Variants in VPS35 observed in about 807,000 individuals in gnomAD.
The protein encoded by VPS35 is VPS35 retromer complex component, also known as vacuolar protein sorting-associated protein 35.
In VPS35, 21 loss-of-function variants were observed where a neutral mutation model predicts 98.1. The observed-to-expected ratio is 0.21, with a 90% CI of 0.15 to 0.31. The LOEUF (loss-of-function observed/expected upper bound fraction) is 0.31. Ranked by LOEUF, VPS35 falls within the 10% of genes least tolerant of loss-of-function variation. The pLI is 1.00. For missense variants in VPS35, 554 were observed against 950.8 expected, an observed-to-expected ratio of 0.58 and a Z score of 5.49; for synonymous variants, 268 against 318.2, an observed-to-expected ratio of 0.84 and a Z score of 1.68.
rs965319860 is a variant in VPS35, at chr16:46,689,113, T to C, written c.3+18A>G. The C allele has an allele frequency of 4.4e-6, 7 of 1,608,190 alleles. No homozygotes were observed. The highest frequency in any genetic ancestry group is 5.9e-6 in the Non-Finnish European group (7 of 1,178,118). On this transcript the variant is annotated intron_variant, in intron 1 of 16. Transcript: ENST00000299138. ...CAAGGAGGGTCGACCCAGGTGCCAC[T>C]GCCCCCTCAGCACTCACCATGGCGA... is the stretch of plus-strand genomic sequence containing the variant.
Position 46,667,446 on chromosome 16 carries a change from A to G in VPS35, c.1647+1484T>C, listed in dbSNP as rs112039978. ...CTGCTGATTGTTTCCTTTGTTGTACAGAAGGTTTTTAGTTTATTAAACTTA... is the reference window on the plus strand; with the variant it reads ...CTGCTGATTGTTTCCTTTGTTGTACGGAAGGTTTTTAGTTTATTAAACTTA... On this transcript the variant is annotated intron_variant, in intron 13 of 16. Coordinates refer to ENST00000299138, the MANE Select transcript of VPS35 (RefSeq NM_018206.6). Among the ~76,000 whole-genome samples, 421 of 152,244 alleles carry G rather than the reference A, an allele frequency of 2.8e-3. 2 individuals are homozygous for G. The highest frequency in any genetic ancestry group is 9.7e-3 in the African/African-American group (402 of 41,554).
chr16:46,665,097 A>T (rs192408581), intron 13 of VPS35, among the ~76,000 whole-genome samples: 3 of 152,360 alleles, frequency 2.0e-5, no homozygotes, highest in Middle Eastern at 6.8e-3. Context: ...TAGAAGTATT[A>T]TAGTAATTCA....
chr16:46,689,092 G>A (rs1442406962), intron 1 of VPS35, 39 bp downstream of exon 1: 1 of 1,603,760 alleles, frequency 6.2e-7, no homozygotes, highest in Non-Finnish European at 8.5e-7. Flanking sequence ...GGGCTACAAG[G>A]AGGGTCGACC....
Position 46,678,939 on chromosome 16 carries a change from A to T in VPS35, c.720+4T>A, listed in dbSNP as rs774219811. 4 of 1,613,894 alleles carry T rather than the reference A, an allele frequency of 2.5e-6. No homozygotes were observed. Among genetic ancestry groups the T allele is most frequent in the Non-Finnish European group, 3.4e-6 (4 of 1,179,910 alleles). On this transcript the variant is annotated splice_donor_region_variant and intron_variant, in intron 6 of 16. Transcript: ENST00000299138. ...ATAAGAAGAGGTAACAAAAATATAT[A>T]AACCTGTTTGTAACGTTCCACATTT...
Position 46,687,170 on chromosome 16 carries a change from G to A in VPS35, c.3+1961C>T, listed in dbSNP as rs1259184990. On this transcript the variant is annotated intron_variant, in intron 1 of 16. Transcript: ENST00000299138. ...TCAACCTCCCTGCTTATATGCTGTA[G>A]ATGTAATCTGACAGTACAATGTAAA... 2.6e-5 allele frequency among the ~76,000 whole-genome samples: 4 copies of A among 152,174 alleles called. No individual in the cohort carries two copies. In the East Asian group the frequency reaches 7.7e-4, roughly 29 times the overall value.
At position 46,661,985 on chromosome 16, in the gene VPS35, T is replaced by C; in HGVS notation, c.2068-124A>G. 1 of 1,407,400 alleles carries C rather than the reference T, an allele frequency of 7.1e-7. No individual in the cohort carries two copies. 87.2% of individuals were successfully genotyped at this position (1,407,400 alleles called of 1,614,324 possible). On this transcript the variant is annotated intron_variant, in intron 15 of 16. Transcript: ENST00000299138. This position sits in a 1 kb window ranked among gnomAD's most constrained non-coding sequence, Gnocchi z 4.3. Reference sequence around the variant, plus strand: ...GGGACATAACAAATTTAAATCCTTTTCATTCTCCTTCTTCTTGTTTTGAAG... The same window carrying C: ...GGGACATAACAAATTTAAATCCTTTCCATTCTCCTTCTTCTTGTTTTGAAG...
chr16:46,684,641 A>T (rs1463380155), intron 1 of VPS35, among the ~76,000 whole-genome samples: 1 of 152,150 alleles, frequency 6.6e-6, no homozygotes, highest in Non-Finnish European at 1.5e-5. Context: ...TTACATCTCC[A>T]CCACAGCATG....
Position 46,678,891 on chromosome 16 carries a change from C to CA in VPS35, c.720+51dup. On this transcript the variant is annotated intron_variant, in intron 6 of 16. Transcript: ENST00000299138. ...ACAAAAATATTCTGATTTTAAAAAT[C>CA]AGATTTCAGTTTATCTCTGAACATA... is the stretch of plus-strand genomic sequence containing the variant. 3 of 1,571,222 alleles carry CA rather than the reference C, an allele frequency of 1.9e-6. No homozygotes were observed. In the South Asian group the frequency reaches 3.4e-5, roughly 18 times the overall value.
In VPS35 at chr16:46,668,796, G is replaced by C. The variant is rs541950748; in HGVS notation, c.1647+134C>G. 2.4e-6 allele frequency: 3 copies of C among 1,257,866 alleles called. No homozygotes were observed. In the South Asian group the frequency reaches 4.1e-5, roughly 17 times the overall value. The allele number at this position is 1,257,866 out of a possible 1,614,324, so 77.9% of individuals were successfully genotyped here. A position where few individuals can be genotyped will look rare whatever the true frequency, so the allele number is the denominator to read the frequency against. Reference sequence around the variant, plus strand: ...AGGATAAGTAACAAATAGAGAGTTGGCGAAAATGGGATTTTATTATACCAC... The same window carrying C: ...AGGATAAGTAACAAATAGAGAGTTGCCGAAAATGGGATTTTATTATACCAC... On this transcript the variant is annotated intron_variant, in intron 13 of 16. Coordinates refer to ENST00000299138, the MANE Select transcript of VPS35 (RefSeq NM_018206.6).
In VPS35 at chr16:46,683,496, C is replaced by A. The variant is rs1228892606; in HGVS notation, c.102+12G>T. On this transcript the variant is annotated intron_variant, in intron 2 of 16. Coordinates refer to ENST00000299138, the MANE Select transcript of VPS35 (RefSeq NM_018206.6). ...CGAACTGCAACTGTGCCTCCCACAT[C>A]TCCATTCTTACCAGGCATCTCTTCA... 1 of 1,611,674 alleles carries A rather than the reference C, an allele frequency of 6.2e-7. No individual in the cohort carries two copies. The highest frequency in any genetic ancestry group is 8.5e-7 in the Non-Finnish European group (1 of 1,179,050).
intron 12 of VPS35, among the ~76,000 whole-genome samples, chr16:46,670,248 C>T (rs1001683990): frequency 6.6e-6 from 1 of 152,208 alleles, no homozygotes. Context: ...CATTAAAGAT[C>T]TCCATACATG....
intron 3 of VPS35, 142 bp downstream of exon 3, chr16:46,681,937 C>G (rs553314319): frequency 1.5e-6 from 1 of 673,144 alleles, no homozygotes; most frequent in Admixed American, 2.4e-5. Context: ...CTTAGCACAT[C>G]TGCATGGAGA....
rs1965906983 is a variant in VPS35 at position 46,661,020 on chromosome 16, G to A, written c.2212-369C>T. The A allele has an allele frequency of 2.0e-5, 7 of 355,382 alleles. No homozygotes were observed. The highest frequency in any genetic ancestry group is 9.0e-5 in the South Asian group (4 of 44,318). 22.0% of individuals were successfully genotyped at this position (355,382 alleles called of 1,614,324 possible). ...AAATTAGCTGGGCGTGGTGCCGGGC[G>A]CCTATAATACCAGCTATTCAGGAGG... is the stretch of plus-strand genomic sequence containing the variant. On this transcript the variant is annotated intron_variant, in intron 16 of 16. Coordinates refer to ENST00000299138, the MANE Select transcript of VPS35 (RefSeq NM_018206.6). The surrounding 1 kb of genome is among the most constrained non-coding windows in gnomAD (Gnocchi z 4.3).
intron 2 of VPS35, chr16:46,682,697 AG>A (rs960603085): frequency 6.4e-6 from 1 of 155,108 alleles, no homozygotes; most frequent in Non-Finnish European, 1.4e-5. Flanking sequence ...ATCCATACAC[AG>A]GAAGAGAAAG....
intron 12 of VPS35, 140 bp from the exon 13 acceptor site, chr16:46,669,192 A>G: frequency 2.8e-6 from 3 of 1,060,038 alleles, no homozygotes; most frequent in South Asian, 2.7e-5. Context: ...CAATTTACAT[A>G]TTTCTTATCT....
chr16:46,684,343 A>C (rs933269966), intron 1 of VPS35, among the ~76,000 whole-genome samples: 2 of 152,232 alleles, frequency 1.3e-5, no homozygotes, highest in African/African-American at 4.8e-5. Context: ...AGACTAAGGA[A>C]CTAGTTTACG....
chr16:46,677,020 AG>A (rs1423180938), intron 7 of VPS35, among the ~76,000 whole-genome samples: 2 of 152,066 alleles, frequency 1.3e-5, no homozygotes, highest in Admixed American at 1.3e-4. Flanking sequence ...TATTTTTAGA[AG>A]AAGCAAGATT....
chr16:46,669,131 T>C, intron 12 of VPS35, 79 bp from the exon 13 acceptor site: 1 of 1,556,388 alleles, frequency 6.4e-7, no homozygotes, highest in Non-Finnish European at 8.9e-7. Flanking sequence ...GCTCTAATCA[T>C]CATTGCTAAC....
At chr16:46,670,591 A>T (rs1457112636) in intron 12 of VPS35, among the ~76,000 whole-genome samples, 1 of 152,174 alleles carries the variant, frequency 6.6e-6, no homozygotes, top group Non-Finnish European at 1.5e-5. Flanking sequence ...CGCCGGAAGG[A>T]ATAGTTTCTA....
Sources: gnomAD v4.1 joint callset for allele counts (sites outside exome capture counted in the v4.1 genomes callset) on GRCh38, gnomAD v4.1.1 for gene constraint, Gnocchi (gnomAD v3.1) non-coding constraint, MANE v1.5 for transcripts, NCBI Gene and HGNC (gene_info 2026-07-23, HGNC 2026-07-21) for gene names.